RGS7: variants seen among roughly 807,000 people sequenced by gnomAD.
RGS7 encodes regulator of G-protein signaling 7.
RGS7 carries 27 observed loss-of-function variants against 81.1 expected under a neutral mutation model. The ratio of observed to expected loss-of-function variants is 0.33; its 90% CI spans 0.25 to 0.46. The LOEUF is 0.46. Among genes scored for constraint, RGS7 ranks in the 20% least tolerant of loss-of-function variants. The pLI is 1.00. For missense variants in RGS7, 396 were observed against 607.4 expected (o/e 0.65, Z 3.66); for synonymous variants, 208 against 207.7 (o/e 1.00, Z -0.01).
chr1:241,105,919 G>A (rs1290633282), intron 2 of RGS7, among the ~76,000 whole-genome samples: 1 of 152,198 alleles, frequency 6.6e-6, no homozygotes, highest in Non-Finnish European at 1.5e-5. Flanking sequence ...TTTTCTATGT[G>A]CACATACTTT....
intron 3 of RGS7, among the ~76,000 whole-genome samples, chr1:241,032,665 A>G (rs1425502488): frequency 1.3e-5 from 2 of 152,100 alleles, no homozygotes; most frequent in Non-Finnish European, 1.5e-5. Context: ...TTCTTTCATC[A>G]GTGTTTTGTA....
intron 4 of RGS7, among the ~76,000 whole-genome samples, chr1:240,958,747 C>A (rs1480427218): frequency 6.6e-6 from 1 of 152,138 alleles, no homozygotes; most frequent in African/African-American, 2.4e-5. Flanking sequence ...TGTCAAAAAG[C>A]TTCCTTCTTG....
chr1:241,334,300 G>A (rs1348954790), intron 2 of RGS7, among the ~76,000 whole-genome samples: 10 of 152,204 alleles, frequency 6.6e-5, no homozygotes, highest in South Asian at 2.1e-4. Flanking sequence ...TCACAAGGCC[G>A]GTGGTTGAAA....
intron 3 of RGS7, among the ~76,000 whole-genome samples, chr1:241,074,272 G>A (rs2062666691): frequency 6.6e-6 from 1 of 152,092 alleles, no homozygotes; most frequent in African/African-American, 2.4e-5. Context: ...AGAAATAGAA[G>A]TATGCAACTT....
intron 4 of RGS7, among the ~76,000 whole-genome samples, chr1:240,939,828 C>T (rs556645068): frequency 1.1e-4 from 16 of 151,968 alleles, no homozygotes; most frequent in Admixed American, 3.3e-4. Flanking sequence ...CCCAGCACTT[C>T]GGGAGGCCAA....
intron 2 of RGS7, among the ~76,000 whole-genome samples, chr1:241,113,030 A>G (rs1378399458): frequency 6.6e-6 from 1 of 152,172 alleles, no homozygotes; most frequent in African/African-American, 2.4e-5. Flanking sequence ...ACTGTTCTCA[A>G]GAGAGAAATT....
chr1:240,815,555 T>A (rs1386871835), intron 11 of RGS7, among the ~76,000 whole-genome samples: 1 of 152,202 alleles, frequency 6.6e-6, no homozygotes, highest in Non-Finnish European at 1.5e-5. Context: ...TCACATGGAA[T>A]AATCACACAC....
intron 4 of RGS7, among the ~76,000 whole-genome samples, chr1:240,963,026 T>C (rs1256826398): frequency 1.3e-5 from 2 of 152,110 alleles, no homozygotes; most frequent in South Asian, 2.1e-4. Flanking sequence ...TTTGGAAAGA[T>C]CATTATAGAT....
Position 241,163,613 on chromosome 1 carries a change from T to TA in RGS7, c.79-64852_79-64851insT, listed in dbSNP as rs200594209. Among the ~76,000 whole-genome samples the TA allele has an allele frequency of 6.5e-3, 988 of 152,280 alleles. 6 individuals are homozygous for TA. The highest frequency in any genetic ancestry group is 0.023 in the African/African-American group (936 of 41,556). ...TGTGAGATTTCATCTACATAACAAG[T>TA]GATCTTTGCTAGCCAGGGCTCCTCT... is the stretch of plus-strand genomic sequence containing the variant. On this transcript the variant is annotated intron_variant, in intron 2 of 18. Transcript: ENST00000440928. The surrounding 1 kb of genome is among the most constrained non-coding windows in gnomAD (Gnocchi z 4.6).
intron 2 of RGS7, among the ~76,000 whole-genome samples, chr1:241,124,145 G>C (rs1186137047): frequency 2.0e-5 from 3 of 151,974 alleles, no homozygotes; most frequent in Non-Finnish European, 4.4e-5. Flanking sequence ...TCTAATTCCA[G>C]CTCTTTGGGA....
At chr1:241,312,680 C>T (rs1306839910) in intron 2 of RGS7, among the ~76,000 whole-genome samples, 1 of 152,088 alleles carries the variant, frequency 6.6e-6, no homozygotes, top group Non-Finnish European at 1.5e-5. Context: ...TCCTCGGGCC[C>T]CTCTATTCCC....
chr1:241,040,209 T>C (rs1345942256), intron 3 of RGS7, among the ~76,000 whole-genome samples: 2 of 152,188 alleles, frequency 1.3e-5, no homozygotes, highest in Non-Finnish European at 2.9e-5. Flanking sequence ...AAGTCCATTC[T>C]TCAGAAAACT....
rs1291023346 is a variant in RGS7, at chr1:240,827,104, T to A, written c.678A>T (p.Thr226=). ...CAACAAATGACAGTTTTACCTTCCG[T>A]GTTTTGTGGGGGTTTCTCATTCTGG... ...KSSRMRNPHK[T]RKSVYGLQND... is the part of the protein sequence containing the mutation. Residue 226 remains threonine (T), a synonymous_variant, in exon 10 of 19, where the codon ACA becomes ACT. Transcript: ENST00000440928. 2.5e-6 allele frequency: 4 copies of A among 1,612,390 alleles called. No homozygotes were observed. The African/African-American group carries it at 5.3e-5, about 22-fold the overall frequency.
chr1:241,127,639 A>G (rs111257799), intron 2 of RGS7, among the ~76,000 whole-genome samples: 11 of 152,162 alleles, frequency 7.2e-5, no homozygotes, highest in Admixed American at 6.5e-4. Flanking sequence ...ACATGTATAC[A>G]TATGTAACAA....
chr1:240,919,540 C>G (rs1673153341), intron 6 of RGS7: 1 of 191,022 alleles, frequency 5.2e-6, no homozygotes, highest in Non-Finnish European at 1.1e-5. Flanking sequence ...TGATAAAAAC[C>G]CTTAGCAAAC....
At chr1:241,128,539 T>C (rs1006760229) in intron 2 of RGS7, among the ~76,000 whole-genome samples, 2 of 152,016 alleles carry the variant, frequency 1.3e-5, no homozygotes, top group African/African-American at 4.8e-5. Context: ...GAGCCGAGAT[T>C]GTGCCACTGC....
chr1:241,050,513 A>T (rs1233540468), intron 3 of RGS7, among the ~76,000 whole-genome samples: 1 of 152,148 alleles, frequency 6.6e-6, no homozygotes, highest in East Asian at 1.9e-4. Context: ...GGCTTGTCAA[A>T]GAGGGAAGAT....
At chr1:241,258,336 T>C (rs376934683) in intron 2 of RGS7, among the ~76,000 whole-genome samples, 15 of 152,272 alleles carry the variant, frequency 9.9e-5, no homozygotes, top group Middle Eastern at 3.4e-3. Flanking sequence ...AAAACCATTC[T>C]AGACTAAAGG....
At chr1:241,218,713 C>G (rs6659488) in intron 2 of RGS7, among the ~76,000 whole-genome samples, 28,559 of 152,070 alleles carry the variant, frequency 0.19, 2,919 homozygotes, top group Middle Eastern at 0.23. Flanking sequence ...GGCGCAATCT[C>G]GGCTCACCGC....
Sources: allele counts gnomAD v4.1 joint callset (sites outside exome capture counted in the v4.1 genomes callset), GRCh38; gene constraint gnomAD v4.1.1; non-coding constraint Gnocchi (gnomAD v3.1); transcripts MANE v1.5; gene names NCBI Gene and HGNC (gene_info 2026-07-23, HGNC 2026-07-21).